Variants in TGFBR3 observed in about 807,000 individuals in gnomAD.
The protein encoded by TGFBR3 is transforming growth factor beta receptor type 3.
A neutral mutation model predicts 87.9 loss-of-function variants in TGFBR3; 46 were observed. The ratio of observed to expected loss-of-function variants is 0.52; its 90% CI spans 0.41 to 0.67. The LOEUF (loss-of-function observed/expected upper bound fraction) is 0.67. TGFBR3 is among the 30% of genes least tolerant of loss of function. The probability of loss-of-function intolerance (pLI) is 0.00; values close to 1 mark genes in which losing one functional copy is unlikely to be tolerated. For synonymous variants in TGFBR3, 381 were observed against 391.6 expected (o/e 0.97, Z 0.32); for missense variants, 866 against 1,041.9 (o/e 0.83, Z 2.32).
chr1:91,705,557 A>G (rs1671773674), intron 14 of TGFBR3, among the ~76,000 whole-genome samples: 2 of 152,016 alleles, frequency 1.3e-5, no homozygotes, highest in African/African-American at 2.4e-5. Context: ...GACTATTCCA[A>G]TTCACCTTGA....
chr1:91,740,174 C>T (rs1482217035), intron 4 of TGFBR3, among the ~76,000 whole-genome samples: 2 of 152,070 alleles, frequency 1.3e-5, no homozygotes, highest in Non-Finnish European at 2.9e-5. Flanking sequence ...ATTATTCTGC[C>T]TTAGCCTCCC....
chr1:91,727,933 G>A, intron 6 of TGFBR3, 127 bp from the exon 7 acceptor site: 1 of 1,097,240 alleles, frequency 9.1e-7, no homozygotes, highest in South Asian at 1.3e-5. Flanking sequence ...TTGATCCCAG[G>A]CCAATGACAT....
intron 3 of TGFBR3, among the ~76,000 whole-genome samples, chr1:91,781,893 T>G (rs61781085): frequency 1.3e-5 from 2 of 152,148 alleles, no homozygotes. Flanking sequence ...TTTGGGAAAT[T>G]TGAAGAGCTT....
intron 14 of TGFBR3, among the ~76,000 whole-genome samples, chr1:91,698,513 C>CTTTTT (rs35919369): frequency 1.7e-5 from 2 of 120,722 alleles, no homozygotes; most frequent in African/African-American, 3.1e-5. Context: ...TCAAAATATT[C>CTTTTT]TTTTTTTTTT....
intron 7 of TGFBR3, among the ~76,000 whole-genome samples, chr1:91,723,628 T>C (rs1672450684): frequency 6.6e-6 from 1 of 152,096 alleles, no homozygotes; most frequent in African/African-American, 2.4e-5. Flanking sequence ...GGTAAATTTA[T>C]ACATCAGTTG....
intron 4 of TGFBR3, among the ~76,000 whole-genome samples, chr1:91,756,696 T>C (rs1673758283): frequency 6.6e-6 from 1 of 152,232 alleles, no homozygotes; most frequent in South Asian, 2.1e-4. Flanking sequence ...AATAAAGTTA[T>C]TGTAATGCCC....
At chr1:91,882,571 C>T (rs1234900495) in intron 1 of TGFBR3, among the ~76,000 whole-genome samples, 1 of 151,830 alleles carries the variant, frequency 6.6e-6, no homozygotes, top group African/African-American at 2.4e-5. Flanking sequence ...GGTGAAACCC[C>T]GTCTCTACTA....
intron 12 of TGFBR3, among the ~76,000 whole-genome samples, chr1:91,715,541 AC>A (rs1448013000): frequency 1.3e-5 from 2 of 152,252 alleles, no homozygotes; most frequent in Admixed American, 1.3e-4. Flanking sequence ...TCTGTTTGGC[AC>A]ATAATAAATC....
chr1:91,879,460 G>A (rs907480590), intron 1 of TGFBR3, among the ~76,000 whole-genome samples: 1 of 152,068 alleles, frequency 6.6e-6, no homozygotes, highest in Non-Finnish European at 1.5e-5. Context: ...ACATTAGGAT[G>A]GCCTGAAGGC....
intron 3 of TGFBR3, among the ~76,000 whole-genome samples, chr1:91,761,513 T>C (rs1019623409): frequency 6.6e-6 from 1 of 152,148 alleles, no homozygotes; most frequent in Non-Finnish European, 1.5e-5. Context: ...AAATACCCAA[T>C]AGTTTCTTTA....
chr1:91,900,960 G>A (rs17880210), intron 1 of TGFBR3, among the ~76,000 whole-genome samples: 129 of 152,250 alleles, frequency 8.5e-4, no homozygotes, highest in Admixed American at 2.3e-3. Flanking sequence ...TTCTGGGCTC[G>A]GATGATCCTT....
At chr1:91,872,614 G>A (rs889795570) in intron 1 of TGFBR3, among the ~76,000 whole-genome samples, 5 of 152,162 alleles carry the variant, frequency 3.3e-5, no homozygotes, top group Non-Finnish European at 5.9e-5. Flanking sequence ...ACCAGACAAG[G>A]GGATGGGCAC....
chr1:91,892,164 C>T (rs1378468586), intron 2 of TGFBR3, among the ~76,000 whole-genome samples: 3 of 152,170 alleles, frequency 2.0e-5, no homozygotes, highest in East Asian at 3.9e-4. Context: ...CTTCAATTTC[C>T]CCCTCAGCAG....
At chr1:91,891,990 G>A (rs1003618113) in intron 2 of TGFBR3, among the ~76,000 whole-genome samples, 2 of 152,170 alleles carry the variant, frequency 1.3e-5, no homozygotes, top group Non-Finnish European at 2.9e-5. Context: ...CCTGTATGCA[G>A]AGCAGAGTCC....
chr1:91,803,661 T>C (rs369201823), intron 2 of TGFBR3, among the ~76,000 whole-genome samples: 4 of 152,300 alleles, frequency 2.6e-5, no homozygotes, highest in South Asian at 4.1e-4. Context: ...TTCTTTTATT[T>C]CATCAGAAGT....
chr1:91,788,528 C>T (rs55938763), intron 3 of TGFBR3, among the ~76,000 whole-genome samples: 4,710 of 152,236 alleles, frequency 0.031, 120 homozygotes, highest in African/African-American at 0.064. Context: ...TAGAAAATAC[C>T]GTGGAAGGAG....
chr1:91,724,155 A>G (rs1672468431), intron 7 of TGFBR3, among the ~76,000 whole-genome samples: 1 of 152,234 alleles, frequency 6.6e-6, no homozygotes, highest in Non-Finnish European at 1.5e-5. Context: ...ACTCAGTTTA[A>G]TAGATTCAGA....
chr1:91,688,618 A>G (rs1302972194), intron 16 of TGFBR3, among the ~76,000 whole-genome samples: 2 of 152,196 alleles, frequency 1.3e-5, no homozygotes, highest in African/African-American at 4.8e-5. Context: ...TAAGCGTGTA[A>G]GGAACACTGT....
intron 4 of TGFBR3, among the ~76,000 whole-genome samples, chr1:91,749,602 A>T (rs759935776): frequency 6.6e-6 from 1 of 152,196 alleles, no homozygotes; most frequent in Non-Finnish European, 1.5e-5. Context: ...ATTTGCCTCA[A>T]ATAAACCCAA....
Sources: allele counts gnomAD v4.1 joint callset (sites outside exome capture counted in the v4.1 genomes callset), GRCh38; gene constraint gnomAD v4.1.1; transcripts MANE v1.5; gene names NCBI Gene and HGNC (gene_info 2026-07-23, HGNC 2026-07-21).